NLGN1: variants seen among roughly 807,000 people sequenced by gnomAD.
The protein encoded by NLGN1 is neuroligin 1.
A neutral mutation model predicts 65.5 loss-of-function variants in NLGN1; 12 were observed. That is an observed-to-expected ratio of 0.18 (90% CI 0.12 to 0.30). The LOEUF (loss-of-function observed/expected upper bound fraction) is 0.30, where lower values mean the gene tolerates loss of function less well. Ranked by LOEUF, NLGN1 falls within the 10% of genes least tolerant of loss-of-function variation. NLGN1 has a pLI of 1.00. For missense variants in NLGN1, 750 were observed against 1,007.1 expected, an observed-to-expected ratio of 0.74 and a Z score of 3.46; for synonymous variants, 350 against 359.5, an observed-to-expected ratio of 0.97 and a Z score of 0.30.
At chr3:174,287,691 C>T (rs759601013), downstream of NLGN1, among the ~76,000 whole-genome samples, 35 of 151,414 alleles carry the variant, frequency 2.3e-4, 1 homozygote, top group Admixed American at 6.6e-5. Flanking sequence ...TTTTCTATCT[C>T]CCCTGAAAAT....
intron 4 of NLGN1, among the ~76,000 whole-genome samples, chr3:174,231,251 G>A (rs1228984752): frequency 6.6e-6 from 1 of 152,144 alleles, no homozygotes; most frequent in Non-Finnish European, 1.5e-5. Context: ...TTTGCGAATC[G>A]GAGAGTCCCA....
rs182155676 is a variant in NLGN1 at position 174,104,084 on chromosome 3, C to T, written c.647-171231C>T. On this transcript the variant is annotated intron_variant, in intron 4 of 6. Coordinates refer to ENST00000457714, the Ensembl canonical transcript of NLGN1. ...ATATATTTAATACAATTTTTCATTT[C>T]GCAGTCTTTTGCAGTAGCTTCTCTT... Among the ~76,000 whole-genome samples, 471 of 152,008 alleles carry T rather than the reference C, an allele frequency of 3.1e-3. 3 individuals are homozygous for T. The highest frequency in any genetic ancestry group is 0.011 in the African/African-American group (449 of 41,474).
chr3:173,876,965 A>G (rs2150902105), intron 4 of NLGN1, among the ~76,000 whole-genome samples: 1 of 152,260 alleles, frequency 6.6e-6, no homozygotes, highest in South Asian at 2.1e-4. Flanking sequence ...CAAAGTAATA[A>G]TTGCTTTAGC....
At chr3:174,033,126 C>T (rs1730386834) in intron 4 of NLGN1, among the ~76,000 whole-genome samples, 1 of 151,872 alleles carries the variant, frequency 6.6e-6, no homozygotes, top group Admixed American at 6.6e-5. Context: ...ACTTCTTCTC[C>T]CCCACACTGT....
chr3:173,583,228 C>A (rs1264857229), intron 2 of NLGN1, among the ~76,000 whole-genome samples: 1 of 152,194 alleles, frequency 6.6e-6, no homozygotes, highest in Non-Finnish European at 1.5e-5. Context: ...TTTGCCCTTG[C>A]AAACACATTT....
At chr3:173,446,768 A>T (rs1198257857) in intron 2 of NLGN1, among the ~76,000 whole-genome samples, 1 of 152,206 alleles carries the variant, frequency 6.6e-6, no homozygotes, top group African/African-American at 2.4e-5. Flanking sequence ...AACTGGTGTG[A>T]GATGGGATCT....
intron 3 of NLGN1, among the ~76,000 whole-genome samples, chr3:173,756,209 C>G (rs1349102991): frequency 1.3e-5 from 2 of 151,274 alleles, no homozygotes; most frequent in African/African-American, 4.9e-5. Context: ...TGTGGTAAGA[C>G]CCATGAATTT....
chr3:174,063,978 C>A (rs1470477452), intron 4 of NLGN1, among the ~76,000 whole-genome samples: 1 of 152,146 alleles, frequency 6.6e-6, no homozygotes, highest in African/African-American at 2.4e-5. Context: ...CCCATCTCTA[C>A]TAAAAATACA....
chr3:173,753,202 G>T (rs1338540305), intron 3 of NLGN1, among the ~76,000 whole-genome samples: 1 of 152,056 alleles, frequency 6.6e-6, no homozygotes, highest in African/African-American at 2.4e-5. Flanking sequence ...TACTGTCTAT[G>T]AATTTATAAT....
At chr3:173,844,205 G>A (rs988330077) in intron 4 of NLGN1, among the ~76,000 whole-genome samples, 2 of 152,230 alleles carry the variant, frequency 1.3e-5, no homozygotes, top group Middle Eastern at 3.4e-3. Flanking sequence ...CACACCACAT[G>A]GGGATTATGG....
chr3:173,938,946 T>C (rs2152303865), intron 4 of NLGN1, among the ~76,000 whole-genome samples: 1 of 152,228 alleles, frequency 6.6e-6, no homozygotes, highest in East Asian at 1.9e-4. Flanking sequence ...GTGAAATAAG[T>C]AAATCAATGC....
At chr3:173,736,666 A>G (rs1773818195) in intron 3 of NLGN1, among the ~76,000 whole-genome samples, 1 of 151,968 alleles carries the variant, frequency 6.6e-6, no homozygotes, top group African/African-American at 2.4e-5. Context: ...AAAAAAAATA[A>G]TTTTGTCTTG....
At chr3:173,792,613 T>G (rs954060476) in intron 3 of NLGN1, among the ~76,000 whole-genome samples, 5 of 152,078 alleles carry the variant, frequency 3.3e-5, no homozygotes, top group African/African-American at 1.2e-4. Flanking sequence ...CACTGTTTTG[T>G]TCAACGGCAC....
chr3:174,161,334 T>G (rs1045209932), intron 4 of NLGN1, among the ~76,000 whole-genome samples: 1 of 151,916 alleles, frequency 6.6e-6, no homozygotes. Context: ...CATTATTTTA[T>G]TTGCACTCCA....
At chr3:174,286,880 G>A (rs2152900884), downstream of NLGN1, among the ~76,000 whole-genome samples, 1 of 151,228 alleles carries the variant, frequency 6.6e-6, no homozygotes, top group East Asian at 2.0e-4. Flanking sequence ...AAAAGAGAGA[G>A]GAAAGTGGGA....
At chr3:173,754,150 G>A (rs986006039) in intron 3 of NLGN1, among the ~76,000 whole-genome samples, 1 of 150,956 alleles carries the variant, frequency 6.6e-6, no homozygotes, top group African/African-American at 2.4e-5. Flanking sequence ...AGGCTCAGGC[G>A]ATCCTCGCAC....
chr3:173,903,108 G>A (rs1031900924), intron 4 of NLGN1, among the ~76,000 whole-genome samples: 1 of 152,140 alleles, frequency 6.6e-6, no homozygotes, highest in Non-Finnish European at 1.5e-5. Context: ...GAAGTAAACA[G>A]CAGACAGGTC....
intron 4 of NLGN1, among the ~76,000 whole-genome samples, chr3:173,892,045 A>T (rs1735439779): frequency 6.6e-6 from 1 of 152,208 alleles, no homozygotes; most frequent in African/African-American, 2.4e-5. Context: ...CTACTTAAGC[A>T]CATCATTGAA....
intron 2 of NLGN1, among the ~76,000 whole-genome samples, chr3:173,571,286 A>G (rs1036442271): frequency 6.6e-5 from 10 of 152,218 alleles, no homozygotes; most frequent in African/African-American, 2.4e-4. Context: ...CAAAACTGAA[A>G]TAAAATCAGA....
Sources: gnomAD v4.1 joint callset for allele counts (sites outside exome capture counted in the v4.1 genomes callset) on GRCh38, gnomAD v4.1.1 for gene constraint, MANE v1.5 for transcripts, NCBI Gene and HGNC (gene_info 2026-07-23, HGNC 2026-07-21) for gene names.